The following NCALD variants were observed in gnomAD, a reference collection of about 807,000 sequenced individuals.
The protein encoded by NCALD is neurocalcin delta.
Under a neutral mutation model 18.6 loss-of-function variants are expected in NCALD, and 10 were observed. That is an observed-to-expected ratio of 0.54 (90% CI 0.33 to 0.91). NCALD has a LOEUF of 0.91. Ranked by LOEUF, NCALD falls within the 40% of genes least tolerant of loss-of-function variation. The pLI is 0.03. For missense variants in NCALD, 184 were observed against 247.6 expected, an observed-to-expected ratio of 0.74 and a Z score of 1.72; for synonymous variants, 88 against 87.4, an observed-to-expected ratio of 1.01 and a Z score of -0.04.
intron 2 of NCALD, among the ~76,000 whole-genome samples, chr8:101,975,091 G>T (rs912437829): frequency 1.3e-5 from 2 of 152,096 alleles, no homozygotes; most frequent in Admixed American, 1.3e-4. Flanking sequence ...ACATTACATT[G>T]GTTGGGTGAA....
intron 1 of NCALD, among the ~76,000 whole-genome samples, chr8:102,033,569 G>C (rs1308906309): frequency 1.3e-5 from 2 of 152,104 alleles, no homozygotes; most frequent in Non-Finnish European, 2.9e-5. Context: ...AAACAAGAAT[G>C]GTTCCACTGA....
chr8:101,894,652 T>G (rs972012430), intron 3 of NCALD, among the ~76,000 whole-genome samples: 18 of 149,184 alleles, frequency 1.2e-4, no homozygotes, highest in Admixed American at 1.1e-3. Context: ...AAGAATCAAA[T>G]AGACACAATA....
intron 2 of NCALD, among the ~76,000 whole-genome samples, chr8:101,975,769 C>T (rs1820399282): frequency 6.6e-6 from 1 of 152,194 alleles, no homozygotes; most frequent in South Asian, 2.1e-4. Context: ...ACTTTCCAGG[C>T]TTTCTGTTCC....
chr8:101,827,585 A>G (rs1002047447), intron 4 of NCALD, among the ~76,000 whole-genome samples: 2 of 152,222 alleles, frequency 1.3e-5, no homozygotes, highest in Non-Finnish European at 2.9e-5. Context: ...TCATCACTAC[A>G]TTGCACAACC....
At chr8:101,695,424 A>G (rs1814943803) in intron 2 of NCALD, among the ~76,000 whole-genome samples, 2 of 152,148 alleles carry the variant, frequency 1.3e-5, no homozygotes, top group Non-Finnish European at 2.9e-5. Context: ...GTGACTGGCC[A>G]TAGGAGGTGT....
intron 2 of NCALD, among the ~76,000 whole-genome samples, chr8:101,964,435 A>T (rs1819948277): frequency 6.6e-6 from 1 of 152,142 alleles, no homozygotes; most frequent in South Asian, 2.1e-4. Context: ...CTGATTGGTG[A>T]CAATGCAGGG....
chr8:101,724,842 A>G (rs1816503814), intron 1 of NCALD, among the ~76,000 whole-genome samples: 1 of 152,216 alleles, frequency 6.6e-6, no homozygotes, highest in African/African-American at 2.4e-5. Context: ...TTTTAGCCCT[A>G]TGCTCTACTA....
intron 1 of NCALD, among the ~76,000 whole-genome samples, chr8:102,121,520 T>G (rs1825944215): frequency 6.6e-6 from 1 of 152,204 alleles, no homozygotes; most frequent in Non-Finnish European, 1.5e-5. Flanking sequence ...AAATTCACAT[T>G]CTGAGGGATG....
upstream of NCALD, among the ~76,000 whole-genome samples, chr8:101,795,009 A>G (rs1456180783): frequency 3.9e-5 from 6 of 152,212 alleles, no homozygotes; most frequent in Non-Finnish European, 5.9e-5. Flanking sequence ...CAAGAAAATA[A>G]TCTAGTCAGA....
chr8:101,877,511 A>G (rs1361852655), intron 4 of NCALD, among the ~76,000 whole-genome samples: 1 of 152,242 alleles, frequency 6.6e-6, no homozygotes, highest in Non-Finnish European at 1.5e-5. Context: ...TGCATTTCTC[A>G]GCTACTACCT....
chr8:101,765,203 C>T (rs773702941), intron 1 of NCALD, among the ~76,000 whole-genome samples: 3 of 152,168 alleles, frequency 2.0e-5, no homozygotes, highest in Non-Finnish European at 2.9e-5. Context: ...AGGAGGGGAA[C>T]GAACAGTAGC....
intron 1 of NCALD, among the ~76,000 whole-genome samples, chr8:101,731,942 C>T (rs1816852961): frequency 6.6e-6 from 1 of 152,218 alleles, no homozygotes; most frequent in Non-Finnish European, 1.5e-5. Context: ...TGTCTGAAGT[C>T]AAAGGCTTCA....
intron 1 of NCALD, among the ~76,000 whole-genome samples, chr8:102,076,225 C>G (rs1409429365): frequency 6.6e-6 from 1 of 151,978 alleles, no homozygotes; most frequent in African/African-American, 2.4e-5. Context: ...GATTTTCCCT[C>G]TTTCTTTTCT....
chr8:101,913,718 G>T (rs1042836522), intron 3 of NCALD, among the ~76,000 whole-genome samples: 4 of 152,124 alleles, frequency 2.6e-5, no homozygotes, highest in African/African-American at 9.7e-5. Flanking sequence ...GAGTAGCTGG[G>T]ATTACAGGCA....
At chr8:101,970,571 A>G (rs1220963945) in intron 2 of NCALD, among the ~76,000 whole-genome samples, 1 of 152,166 alleles carries the variant, frequency 6.6e-6, no homozygotes, top group Non-Finnish European at 1.5e-5. Flanking sequence ...TACTCTACAC[A>G]GTTGTTAAGT....
intron 4 of NCALD, among the ~76,000 whole-genome samples, chr8:101,877,184 A>G (rs1321328979): frequency 6.6e-6 from 1 of 152,254 alleles, no homozygotes; most frequent in Non-Finnish European, 1.5e-5. Context: ...ATCTACAAAT[A>G]TATATCCTTC....
intron 2 of NCALD, among the ~76,000 whole-genome samples, chr8:101,954,265 G>T (rs1819540386): frequency 6.6e-6 from 1 of 152,162 alleles, no homozygotes; most frequent in Non-Finnish European, 1.5e-5. Flanking sequence ...ACAGGACTTT[G>T]TTCAGGCCAG....
chr8:102,037,560 T>G (rs1822913427), intron 1 of NCALD, among the ~76,000 whole-genome samples: 1 of 152,216 alleles, frequency 6.6e-6, no homozygotes, highest in South Asian at 2.1e-4. Context: ...AGGAGCTATC[T>G]CCTAGAGATA....
chr8:102,116,763 C>T (rs1277874315), intron 1 of NCALD, among the ~76,000 whole-genome samples: 2 of 152,126 alleles, frequency 1.3e-5, no homozygotes, highest in East Asian at 3.8e-4. Context: ...CTGCCTCGAC[C>T]TCCCAAAGTG....
Sources: gnomAD v4.1 joint callset for allele counts (sites outside exome capture counted in the v4.1 genomes callset) on GRCh38, gnomAD v4.1.1 for gene constraint, MANE v1.5 for transcripts, NCBI Gene and HGNC (gene_info 2026-07-23, HGNC 2026-07-21) for gene names.